Variants in SFMBT1 observed in about 807,000 individuals in gnomAD.
SFMBT1 encodes the protein scm-like with four MBT domains protein 1.
Under a neutral mutation model 108.7 loss-of-function variants are expected in SFMBT1, and 32 were observed. The ratio of observed to expected loss-of-function variants is 0.29; its 90% CI spans 0.22 to 0.40. The LOEUF is 0.40. Among genes scored for constraint, SFMBT1 ranks in the 10% least tolerant of loss-of-function variants. The pLI is 1.00. For missense variants in SFMBT1, 816 were observed against 1,059.6 expected (o/e 0.77, Z 3.19); for synonymous variants, 348 against 369.5 (o/e 0.94, Z 0.67).
At chr3:53,028,979 T>C (rs554085217) in intron 1 of SFMBT1, among the ~76,000 whole-genome samples, 2 of 152,154 alleles carry the variant, frequency 1.3e-5, no homozygotes, top group African/African-American at 2.4e-5. Context: ...GAGAAGATCC[T>C]GACTAACACG....
intron 11 of SFMBT1, 65 bp from the exon 12 acceptor site, chr3:52,920,715 T>G (rs1209793266): frequency 1.0e-6 from 1 of 964,944 alleles, no homozygotes; most frequent in African/African-American, 1.6e-5. Flanking sequence ...TTAAATAACC[T>G]TCTTCATAAA....
At chr3:52,977,805 G>T (rs1704569661) in intron 1 of SFMBT1, among the ~76,000 whole-genome samples, 1 of 152,188 alleles carries the variant, frequency 6.6e-6, no homozygotes, top group South Asian at 2.1e-4. Context: ...ATCATTAACA[G>T]GAAAGTGAGA....
chr3:52,921,916 T>C, intron 10 of SFMBT1, 85 bp from the exon 11 acceptor site: 2 of 1,294,162 alleles, frequency 1.5e-6, no homozygotes, highest in Admixed American at 3.7e-5. Context: ...TTTCAAGTAG[T>C]ACTTAATCCC....
chr3:53,017,679 G>A (rs540857988), intron 1 of SFMBT1, among the ~76,000 whole-genome samples: 6 of 152,236 alleles, frequency 3.9e-5, no homozygotes, highest in South Asian at 2.1e-4. Context: ...ACAACCCCAC[G>A]AAATAAAGCA....
chr3:52,912,429 C>T (rs979904442), intron 16 of SFMBT1, 109 bp downstream of exon 16: 60 of 806,836 alleles, frequency 7.4e-5, no homozygotes, highest in East Asian at 2.6e-4. Context: ...CCGCCCGCCT[C>T]GGCCTCCCAA....
chr3:52,950,396 C>T (rs185150887), intron 3 of SFMBT1, among the ~76,000 whole-genome samples: 1 of 152,320 alleles, frequency 6.6e-6, no homozygotes, highest in African/African-American at 2.4e-5. Flanking sequence ...ATCATTGCTA[C>T]CATTTATATA....
At chr3:52,970,375 T>C (rs910247634) in intron 1 of SFMBT1, among the ~76,000 whole-genome samples, 5 of 152,196 alleles carry the variant, frequency 3.3e-5, no homozygotes, top group African/African-American at 1.2e-4. Flanking sequence ...CCATATGAAA[T>C]GTGGTCTTTC....
intron 17 of SFMBT1, among the ~76,000 whole-genome samples, chr3:52,910,048 C>T (rs144407075): frequency 6.5e-4 from 99 of 152,210 alleles, no homozygotes; most frequent in Middle Eastern, 3.4e-3. Context: ...CTCCTGTTTC[C>T]TTCAAGGTGT....
At position 52,906,017 on chromosome 3, in the gene SFMBT1, C is replaced by T; in HGVS notation, c.2460+96G>A. On this transcript the variant is annotated intron_variant, in intron 20 of 20. Coordinates refer to ENST00000394752, the MANE Select transcript of SFMBT1 (RefSeq NM_016329.4). ...ACAATTCTTGTCTTTTGGATCAAAA[C>T]ATTTTTCCTAAAACTTGTAAATAAA... 6 of 1,402,574 alleles carry T rather than the reference C, an allele frequency of 4.3e-6. No homozygotes were observed. In the South Asian group the frequency reaches 6.5e-5, roughly 15 times the overall value. 86.9% of individuals were successfully genotyped at this position (1,402,574 alleles called of 1,614,324 possible). A position where few individuals can be genotyped will look rare whatever the true frequency, so the allele number is the denominator to read the frequency against.
intron 1 of SFMBT1, among the ~76,000 whole-genome samples, chr3:53,018,820 G>C (rs1699207413): frequency 6.6e-6 from 1 of 152,096 alleles, no homozygotes; most frequent in Non-Finnish European, 1.5e-5. Flanking sequence ...CTTCTCTCAG[G>C]TACTGTGACA....
At chr3:52,956,333 A>G (rs912704376) in intron 2 of SFMBT1, among the ~76,000 whole-genome samples, 2 of 152,138 alleles carry the variant, frequency 1.3e-5, no homozygotes, top group Non-Finnish European at 2.9e-5. Context: ...GGCGGCACGC[A>G]CCTGTAGTCC....
chr3:52,989,792 C>CA (rs55730998), intron 1 of SFMBT1, among the ~76,000 whole-genome samples: 62 of 145,582 alleles, frequency 4.3e-4, no homozygotes, highest in African/African-American at 8.0e-4. Flanking sequence ...GACTCCATCT[C>CA]AAAAAAAAAA....
chr3:53,001,943 A>T (rs943580009), intron 1 of SFMBT1, among the ~76,000 whole-genome samples: 11 of 141,366 alleles, frequency 7.8e-5, no homozygotes, highest in African/African-American at 2.5e-4. Context: ...ACACACACAC[A>T]CACACACACA....
At chr3:53,026,936 C>A (rs1349375958) in intron 1 of SFMBT1, among the ~76,000 whole-genome samples, 2 of 152,128 alleles carry the variant, frequency 1.3e-5, no homozygotes, top group Non-Finnish European at 2.9e-5. Context: ...AATCGTGCCA[C>A]CGCACCTGGC....
In SFMBT1 at chr3:53,025,083, T is replaced by C. The variant is rs910613187; in HGVS notation, c.-131+20733A>G. ...GTATTATAGAAACAGTACAGAAATATGTAAGTACCTATTAATCCAGTTTTT... is the reference window on the plus strand; with the variant it reads ...GTATTATAGAAACAGTACAGAAATACGTAAGTACCTATTAATCCAGTTTTT... On this transcript the variant is annotated intron_variant, in intron 1 of 20. Coordinates refer to ENST00000394752, the MANE Select transcript of SFMBT1 (RefSeq NM_016329.4). 3.3e-5 allele frequency among the ~76,000 whole-genome samples: 5 copies of C among 152,278 alleles called. No individual in the cohort carries two copies. The South Asian group carries it at 8.3e-4, about 25-fold the overall frequency.
At chr3:52,928,890 A>T (rs1434587186) in intron 8 of SFMBT1, among the ~76,000 whole-genome samples, 1 of 151,426 alleles carries the variant, frequency 6.6e-6, no homozygotes, top group Non-Finnish European at 1.5e-5. Context: ...ATTTTTGTAG[A>T]GACTCGGTCT....
chr3:52,922,480 A>G (rs1336891324), intron 10 of SFMBT1, among the ~76,000 whole-genome samples: 2 of 152,254 alleles, frequency 1.3e-5, no homozygotes, highest in Non-Finnish European at 2.9e-5. Context: ...CAAAAACTTA[A>G]CATCTATCTT....
intron 1 of SFMBT1, among the ~76,000 whole-genome samples, chr3:52,998,170 C>G (rs924895354): frequency 6.7e-6 from 1 of 150,134 alleles, no homozygotes; most frequent in African/African-American, 2.4e-5. Flanking sequence ...AATCCCAGCA[C>G]TTTGGGAGGC....
rs756546904 is a variant in SFMBT1, at chr3:53,000,221, G to A, written c.-130-30963C>T. On this transcript the variant is annotated intron_variant, in intron 1 of 20. Transcript: ENST00000394752. ...CTGCTTTAAGCATACACGACACTTCGGTTTTATTCCTCCCTTTGTAATGTT... is the reference window on the plus strand; with the variant it reads ...CTGCTTTAAGCATACACGACACTTCAGTTTTATTCCTCCCTTTGTAATGTT... 2.1e-5 allele frequency among the ~76,000 whole-genome samples: 3 copies of A among 145,088 alleles called. 1 individual carries two copies. The highest frequency in any genetic ancestry group is 4.5e-5 in the Non-Finnish European group (3 of 65,948).
Sources: gnomAD v4.1 joint callset for allele counts (sites outside exome capture counted in the v4.1 genomes callset) on GRCh38, gnomAD v4.1.1 for gene constraint, MANE v1.5 for transcripts, NCBI Gene and HGNC (gene_info 2026-07-23, HGNC 2026-07-21) for gene names.